CADPS: variants seen among roughly 807,000 people sequenced by gnomAD.
CADPS encodes calcium dependent secretion activator, also known as calcium-dependent secretion activator 1.
A neutral mutation model predicts 167.3 loss-of-function variants in CADPS; 57 were observed. That is an observed-to-expected ratio of 0.34 (90% CI 0.28 to 0.42). The LOEUF (loss-of-function observed/expected upper bound fraction) is 0.42. Ranked by LOEUF, CADPS falls within the 20% of genes least tolerant of loss-of-function variation. The probability of loss-of-function intolerance (pLI) is 1.00; values close to 1 mark genes in which losing one functional copy is unlikely to be tolerated. For synonymous variants in CADPS, 676 were observed against 635.3 expected, an observed-to-expected ratio of 1.06 and a Z score of -0.96; for missense variants, 1,414 against 1,738.1, an observed-to-expected ratio of 0.81 and a Z score of 3.32.
At chr3:62,590,736 T>C (rs562449681) in intron 7 of CADPS, among the ~76,000 whole-genome samples, 1 of 152,254 alleles carries the variant, frequency 6.6e-6, no homozygotes, top group African/African-American at 2.4e-5. Flanking sequence ...GGTCTCTCAT[T>C]ATGCTATAGA....
intron 3 of CADPS, among the ~76,000 whole-genome samples, chr3:62,737,024 G>T (rs145228423): frequency 1.0e-3 from 158 of 152,192 alleles, no homozygotes; most frequent in East Asian, 8.5e-3. Context: ...TGTAGTCCCA[G>T]CTACTCGGGA....
intron 6 of CADPS, among the ~76,000 whole-genome samples, chr3:62,594,020 T>C (rs1451646108): frequency 6.6e-6 from 1 of 152,184 alleles, no homozygotes; most frequent in Non-Finnish European, 1.5e-5. Context: ...ATAATGTCTT[T>C]TACAGCACTA....
intron 3 of CADPS, among the ~76,000 whole-genome samples, chr3:62,670,364 G>A (rs1472834881): frequency 6.6e-6 from 1 of 152,102 alleles, no homozygotes; most frequent in Non-Finnish European, 1.5e-5. Flanking sequence ...ATTACATTCT[G>A]TTGTTACAAA....
chr3:62,495,254 C>G (rs1046112865), intron 18 of CADPS, among the ~76,000 whole-genome samples: 10 of 152,094 alleles, frequency 6.6e-5, no homozygotes, highest in Non-Finnish European at 1.0e-4. Context: ...TATTTTTGTA[C>G]ATTCAAGGGA....
At chr3:62,821,443 G>A (rs1051130292) in intron 1 of CADPS, among the ~76,000 whole-genome samples, 3 of 152,110 alleles carry the variant, frequency 2.0e-5, no homozygotes, top group African/African-American at 7.2e-5. Flanking sequence ...TCCTCCAAAG[G>A]CTCTAGGGAA....
chr3:62,697,342 TATGA>T (rs1430788339), intron 3 of CADPS, among the ~76,000 whole-genome samples: 1 of 152,076 alleles, frequency 6.6e-6, no homozygotes, highest in Non-Finnish European at 1.5e-5. Context: ...AGCTCCCACT[TATGA>T]GTGAGAGCAT....
chr3:62,728,524 C>T (rs1339497028), intron 3 of CADPS, among the ~76,000 whole-genome samples: 1 of 151,764 alleles, frequency 6.6e-6, no homozygotes, highest in African/African-American at 2.4e-5. Context: ...ATAATTGTTA[C>T]CAAAGGTCTT....
chr3:62,837,711 G>A (rs994328508), intron 1 of CADPS, among the ~76,000 whole-genome samples: 4 of 152,202 alleles, frequency 2.6e-5, no homozygotes, highest in African/African-American at 9.7e-5. Flanking sequence ...TCCTATCATA[G>A]AGCAAAGAGT....
intron 8 of CADPS, among the ~76,000 whole-genome samples, chr3:62,578,636 TAAC>T (rs149039038): frequency 0.49 from 68,525 of 140,020 alleles, 19,257 homozygotes; most frequent in East Asian, 0.72. Context: ...AAAAAAGACT[TAAC>T]AATCTTAAAT....
At chr3:62,665,298 T>G (rs546688375) in intron 3 of CADPS, among the ~76,000 whole-genome samples, 1 of 152,328 alleles carries the variant, frequency 6.6e-6, no homozygotes, top group Admixed American at 6.5e-5. Context: ...TAACCTTGTC[T>G]TTTACACAAT....
intron 24 of CADPS, among the ~76,000 whole-genome samples, chr3:62,467,710 C>T (rs2060108000): frequency 6.6e-6 from 1 of 152,102 alleles, no homozygotes; most frequent in Admixed American, 6.5e-5. Context: ...CAGTATGAAA[C>T]TCTGATTTTG....
At chr3:62,525,604 C>CTA (rs36024823) in intron 13 of CADPS, among the ~76,000 whole-genome samples, 22,539 of 151,820 alleles carry the variant, frequency 0.15, 1,739 homozygotes, top group East Asian at 0.19. Flanking sequence ...TAAAACAGAG[C>CTA]TATCCCCACT....
chr3:62,856,967 A>G (rs936457520), intron 1 of CADPS, among the ~76,000 whole-genome samples: 4 of 151,552 alleles, frequency 2.6e-5, no homozygotes, highest in African/African-American at 9.7e-5. Context: ...AGGAATTATA[A>G]AGAGGAAAAG....
intron 28 of CADPS, chr3:62,404,139 CCAAA>C (rs1301690064): frequency 1.6e-4 from 24 of 152,020 alleles, no homozygotes; most frequent in African/African-American, 3.6e-4. Flanking sequence ...GCCGCTTATA[CCAAA>C]CAATTTACAA....
At chr3:62,615,053 C>A (rs2062047349) in intron 6 of CADPS, among the ~76,000 whole-genome samples, 1 of 152,088 alleles carries the variant, frequency 6.6e-6, no homozygotes, top group Admixed American at 6.5e-5. Context: ...TACAGGACCT[C>A]AGAGTGAGGA....
At position 62,715,373 on chromosome 3, in the gene CADPS, C is replaced by CCTAT. The variant is rs71123290; in HGVS notation, c.888+38064_888+38067dup. Among the ~76,000 whole-genome samples the CCTAT allele has an allele frequency of 6.2e-3, 836 of 134,606 alleles. 6 individuals carry two copies. The highest frequency in any genetic ancestry group is 0.021 in the African/African-American group (752 of 35,050). The allele number at this position is 134,606 out of a possible 152,430, so 88.3% of individuals were successfully genotyped here. On this transcript the variant is annotated intron_variant, in intron 3 of 29. Coordinates refer to ENST00000383710, the MANE Select transcript of CADPS (RefSeq NM_003716.4). ...CCAGCCCTATCTATCTATCTATCTACCTATCTATCTATCTATCTATCTATC... is the reference window on the plus strand; with the variant it reads ...CCAGCCCTATCTATCTATCTATCTACCTATCTATCTATCTATCTATCTATCTATC...
intron 9 of CADPS, among the ~76,000 whole-genome samples, 178 bp from the exon 10 acceptor site, chr3:62,557,691 C>A (rs557700230): frequency 1.3e-5 from 2 of 152,324 alleles, no homozygotes; most frequent in East Asian, 1.9e-4. Context: ...TCCTTCATAA[C>A]CTCATCTGTA....
At chr3:62,836,906 A>G (rs1358165091) in intron 1 of CADPS, among the ~76,000 whole-genome samples, 1 of 152,140 alleles carries the variant, frequency 6.6e-6, no homozygotes, top group Non-Finnish European at 1.5e-5. Flanking sequence ...GTCTATAGTA[A>G]TTAAGTTTTC....
chr3:62,525,867 A>C (rs2072045191), intron 13 of CADPS, among the ~76,000 whole-genome samples: 1 of 152,190 alleles, frequency 6.6e-6, no homozygotes. Context: ...ACGGCCACCC[A>C]ACATTGGAGG....
Sources: allele counts gnomAD v4.1 joint callset (sites outside exome capture counted in the v4.1 genomes callset), GRCh38; gene constraint gnomAD v4.1.1; transcripts MANE v1.5; gene names NCBI Gene and HGNC (gene_info 2026-07-23, HGNC 2026-07-21).